Variants in RBM39 observed in about 807,000 individuals in gnomAD.
RBM39 encodes the protein RNA binding motif protein 39.
In RBM39, 12 loss-of-function variants were observed where a neutral mutation model predicts 79.6. The ratio of observed to expected loss-of-function variants is 0.15; its 90% CI spans 0.10 to 0.24. The LOEUF (loss-of-function observed/expected upper bound fraction) is 0.24, where lower values mean the gene tolerates loss of function less well. RBM39 is among the 10% of genes least tolerant of loss of function. The pLI is 1.00. For synonymous variants in RBM39, 185 were observed against 208.4 expected (o/e 0.89, Z 0.97); for missense variants, 243 against 653.4 (o/e 0.37, Z 6.85).
At chr20:35,719,031 T>C (rs1049817977) in intron 9 of RBM39, among the ~76,000 whole-genome samples, 3 of 152,160 alleles carry the variant, frequency 2.0e-5, no homozygotes, top group African/African-American at 7.2e-5. Flanking sequence ...ACATTATGTT[T>C]ACTGGAGTTG....
chr20:35,736,614 T>C, intron 3 of RBM39: 1 of 467,568 alleles, frequency 2.1e-6, no homozygotes. Flanking sequence ...TGGCTATTTT[T>C]CTCTCGTTTT....
chr20:35,716,976 A>G (rs113234231), intron 9 of RBM39, among the ~76,000 whole-genome samples, 171 bp from the exon 10 acceptor site: 2 of 151,926 alleles, frequency 1.3e-5, no homozygotes, highest in African/African-American at 2.4e-5. Flanking sequence ...CTATAATTTT[A>G]TATGTAAAAT....
At chr20:35,719,247 G>A (rs2037580538) in intron 9 of RBM39, among the ~76,000 whole-genome samples, 1 of 151,982 alleles carries the variant, frequency 6.6e-6, no homozygotes, top group Non-Finnish European at 1.5e-5. Context: ...GGCCAGACTG[G>A]TCTCGAACTC....
intron 3 of RBM39, among the ~76,000 whole-genome samples, chr20:35,737,311 G>A (rs1016866717): frequency 1.5e-4 from 22 of 146,982 alleles, no homozygotes; most frequent in African/African-American, 5.3e-4. Flanking sequence ...AATCGCTTAA[G>A]CCCGGGTGGC....
At chr20:35,734,722 A>G (rs972163455) in intron 3 of RBM39, 7 of 1,022,846 alleles carry the variant, frequency 6.8e-6, no homozygotes, top group Non-Finnish European at 9.0e-6. Flanking sequence ...CCAGGCAGGT[A>G]AAAAGACAGC....
intron 11 of RBM39, 64 bp from the exon 12 acceptor site, chr20:35,713,160 C>T: frequency 1.5e-6 from 2 of 1,351,712 alleles, no homozygotes; most frequent in African/African-American, 1.5e-5. Flanking sequence ...TTTCCTGGGT[C>T]ATTAATATCA....
intron 14 of RBM39, 66 bp from the exon 15 acceptor site, chr20:35,705,396 A>G: frequency 1.1e-6 from 1 of 910,016 alleles, no homozygotes; most frequent in South Asian, 1.6e-5. Context: ...TTACAAATGT[A>G]TCAAAAAATT....
chr20:35,738,232 C>T (rs908081843), intron 3 of RBM39, among the ~76,000 whole-genome samples: 13 of 151,918 alleles, frequency 8.6e-5, no homozygotes, highest in Non-Finnish European at 1.2e-4. Context: ...TGCGCCACTG[C>T]GCTCCAGCCT....
intron 9 of RBM39, among the ~76,000 whole-genome samples, chr20:35,719,625 C>T (rs528725905): frequency 6.6e-6 from 1 of 151,678 alleles, no homozygotes; most frequent in Non-Finnish European, 1.5e-5. Context: ...TGCAGTGAGC[C>T]GAGACTGCAC....
chr20:35,724,470 C>A (rs2038405450), intron 8 of RBM39, 100 bp downstream of exon 8: 1 of 1,083,640 alleles, frequency 9.2e-7, no homozygotes. Context: ...TCCGACTCAA[C>A]GTAATGAGCA....
At chr20:35,721,712 GA>G in intron 9 of RBM39, 27 bp downstream of exon 9, 1 of 1,609,788 alleles carries the variant, frequency 6.2e-7, no homozygotes, top group African/African-American at 1.3e-5. Flanking sequence ...ACAACCTACT[GA>G]AGATTCATTG....
intron 3 of RBM39, chr20:35,734,135 T>C (rs957216863): frequency 6.3e-6 from 7 of 1,102,614 alleles, no homozygotes; most frequent in African/African-American, 4.9e-5. Flanking sequence ...AGAGAACCTG[T>C]AAGCAGGTCA....
At chr20:35,713,213 G>A in intron 11 of RBM39, 117 bp from the exon 12 acceptor site, 1 of 808,494 alleles carries the variant, frequency 1.2e-6, no homozygotes. Context: ...GCCGAGTGTG[G>A]TGGTTGACGC....
rs557019888 is a variant in RBM39 at position 35,707,103 on chromosome 20, T to TA, written c.1307+16dup. 25 of 1,395,428 alleles carry TA rather than the reference T, an allele frequency of 1.8e-5. No homozygotes were observed. In the African/African-American group the frequency reaches 3.0e-4, roughly 17 times the overall value. 86.4% of individuals were successfully genotyped at this position (1,395,428 alleles called of 1,614,324 possible). A position where few individuals can be genotyped will look rare whatever the true frequency, so the allele number is the denominator to read the frequency against. On this transcript the variant is annotated intron_variant, in intron 14 of 16. Coordinates refer to ENST00000253363, the MANE Select transcript of RBM39 (RefSeq NM_184234.3). Reference sequence around the variant, plus strand: ...ACGCCTTGATAGGAAATATCAAGAATAAAGTCCATTACTTACGTTTGAGGG... The same window carrying TA: ...ACGCCTTGATAGGAAATATCAAGAATAAAAGTCCATTACTTACGTTTGAGGG...
At position 35,716,551 on chromosome 20, in the gene RBM39, T is replaced by C. The variant is rs563697239; in HGVS notation, c.891+189A>G. Among the ~76,000 whole-genome samples the C allele has an allele frequency of 2.6e-5, 4 of 152,180 alleles. No individual in the cohort carries two copies. In the South Asian group the frequency reaches 8.3e-4, roughly 31 times the overall value. ...GTGCCTGCCTTTTGTTACAAGGGCA[T>C]ATTACCCTTTGTTGTGAAAAAAACT... On this transcript the variant is annotated intron_variant, in intron 10 of 16. Transcript: ENST00000253363.
At chr20:35,713,952 C>T in intron 11 of RBM39, 2 of 496,700 alleles carry the variant, frequency 4.0e-6, no homozygotes, top group East Asian at 3.5e-5. Flanking sequence ...ATAAACACTA[C>T]ATAAAGGAAA....
In RBM39 at chr20:35,740,821, C is replaced by G; in HGVS notation, c.51+3G>C. On this transcript the variant is annotated splice_donor_region_variant and intron_variant, in intron 2 of 16. Transcript: ENST00000253363. ...TAAACCTCACCGACATGTTTTTTCT[C>G]ACCTTCTTGTAAGGAGCCTCAAGCA... 1 of 1,609,740 alleles carries G rather than the reference C, an allele frequency of 6.2e-7. No homozygotes were observed. The highest frequency in any genetic ancestry group is 1.7e-5 in the Admixed American group (1 of 59,382).
chr20:35,707,443 G>T, intron 13 of RBM39: 1 of 294,298 alleles, frequency 3.4e-6, no homozygotes, highest in Non-Finnish European at 6.3e-6. Flanking sequence ...TTTTAACAGG[G>T]AAATTAAACT....
intron 7 of RBM39, 56 bp downstream of exon 7, chr20:35,724,982 C>A: frequency 1.6e-6 from 2 of 1,235,938 alleles, no homozygotes; most frequent in Non-Finnish European, 1.2e-6. Context: ...TTGATGTTTA[C>A]ATGTTTTCTC....
Sources: gnomAD v4.1 joint callset for allele counts (sites outside exome capture counted in the v4.1 genomes callset) on GRCh38, gnomAD v4.1.1 for gene constraint, MANE v1.5 for transcripts, NCBI Gene and HGNC (gene_info 2026-07-23, HGNC 2026-07-21) for gene names.